The following DCAF5 variants were observed in gnomAD, a reference collection of about 807,000 sequenced individuals.
DCAF5 encodes DDB1 and CUL4 associated factor 5, also known as DDB1- and CUL4-associated factor 5.
Under a neutral mutation model 80.7 loss-of-function variants are expected in DCAF5, and 9 were observed. The ratio of observed to expected loss-of-function variants is 0.11; its 90% CI spans 0.07 to 0.19. DCAF5 has a LOEUF of 0.19. DCAF5 is among the 10% of genes least tolerant of loss of function. The pLI is 1.00. For synonymous variants in DCAF5, 433 were observed against 461.9 expected (o/e 0.94, Z 0.80); for missense variants, 842 against 1,205.7 (o/e 0.70, Z 4.47).
chr14:69,097,596 T>A lies in DCAF5; in HGVS notation c.666-5709A>T, dbSNP rs1285645646. ...TTATTATTATTATTTTTTTTTTTTT[T>A]TTTTTTTTGAGACAGGGTCTCACTT... On this transcript the variant is annotated intron_variant, in intron 5 of 8. Coordinates refer to ENST00000341516, the MANE Select transcript of DCAF5 (RefSeq NM_003861.3). Among the ~76,000 whole-genome samples the A allele has an allele frequency of 1.1e-4, 16 of 148,396 alleles. 1 individual carries two copies. Among genetic ancestry groups the A allele is most frequent in the African/African-American group, 3.7e-4 (15 of 40,722 alleles).
At chr14:69,087,628 CA>C (rs2039384564) in intron 6 of DCAF5, among the ~76,000 whole-genome samples, 1 of 151,876 alleles carries the variant, frequency 6.6e-6, no homozygotes, top group African/African-American at 2.4e-5. Flanking sequence ...TATTTGTAGC[CA>C]AAAGGGGGGA....
chr14:69,058,432 T>C (rs1189925754), intron 8 of DCAF5, among the ~76,000 whole-genome samples: 2 of 151,886 alleles, frequency 1.3e-5, no homozygotes, highest in Middle Eastern at 3.4e-3. Context: ...GGCAGGAGAA[T>C]TGCTTGAACC....
intron 5 of DCAF5, among the ~76,000 whole-genome samples, chr14:69,103,663 T>C (rs113507502): frequency 1.3e-5 from 2 of 152,244 alleles, no homozygotes; most frequent in Non-Finnish European, 2.9e-5. Context: ...CTATGGAAAC[T>C]CGCTTGTATA....
chr14:69,133,557 G>A (rs948307281), intron 1 of DCAF5, among the ~76,000 whole-genome samples: 1 of 152,082 alleles, frequency 6.6e-6, no homozygotes, highest in African/African-American at 2.4e-5. Context: ...GAAGAGGCGG[G>A]GGTACAGGCA....
rs537734116 is a variant in DCAF5, at chr14:69,127,514, G to A, written c.215-5154C>T. On this transcript the variant is annotated intron_variant, in intron 1 of 8. Coordinates refer to ENST00000341516, the MANE Select transcript of DCAF5 (RefSeq NM_003861.3). ...GGGGTTGAATATATGGAGCAGAGAA[G>A]ATTTTTAGGGCAGTAAAAATCCTCT... Among the ~76,000 whole-genome samples, 14 of 152,260 alleles carry A rather than the reference G, an allele frequency of 9.2e-5. No individual in the cohort carries two copies. The East Asian group carries it at 9.6e-4, about 10-fold the overall frequency.
At chr14:69,083,529 T>A in intron 6 of DCAF5, 1 of 360,390 alleles carries the variant, frequency 2.8e-6, no homozygotes, top group Non-Finnish European at 5.3e-6. Context: ...CAGATGTGTC[T>A]GAAGAAACAA....
At chr14:69,151,600 C>T (rs907330412) in intron 1 of DCAF5, among the ~76,000 whole-genome samples, 2 of 152,182 alleles carry the variant, frequency 1.3e-5, no homozygotes, top group African/African-American at 4.8e-5. Flanking sequence ...TCTTCACCCC[C>T]CCTCCCCTGA....
In DCAF5 at chr14:69,152,613, T is replaced by G; in HGVS notation, c.214+152A>C. On this transcript the variant is annotated intron_variant, in intron 1 of 8. Coordinates refer to ENST00000341516, the MANE Select transcript of DCAF5 (RefSeq NM_003861.3). The surrounding 1 kb of genome is among the most constrained non-coding windows in gnomAD (Gnocchi z 4.1). ...CTCCTTCCCCTCCCCCTGCAATGGT[T>G]TTAATTTGACACCAAACCTTCCCAC... is the stretch of plus-strand genomic sequence containing the variant. The G allele has an allele frequency of 1.6e-6, 1 of 619,452 alleles. No homozygotes were observed. The highest frequency in any genetic ancestry group is 2.8e-6 in the Non-Finnish European group (1 of 356,802). 38.4% of individuals were successfully genotyped at this position (619,452 alleles called of 1,614,324 possible).
chr14:69,091,996 C>T (rs968205215), intron 5 of DCAF5, 109 bp from the exon 6 acceptor site: 2 of 902,416 alleles, frequency 2.2e-6, no homozygotes, highest in African/African-American at 3.3e-5. Context: ...TGAATTTCAG[C>T]AAAAGGATAT....
At chr14:69,099,664 T>C (rs1448721032) in intron 5 of DCAF5, among the ~76,000 whole-genome samples, 3 of 152,156 alleles carry the variant, frequency 2.0e-5, no homozygotes, top group Non-Finnish European at 4.4e-5. Context: ...AGTTCCTGGC[T>C]GGGCATGGTG....
chr14:69,059,831 G>A (rs1380003201), intron 8 of DCAF5, among the ~76,000 whole-genome samples: 1 of 152,160 alleles, frequency 6.6e-6, no homozygotes, highest in Non-Finnish European at 1.5e-5. Flanking sequence ...TGTGCCTCCT[G>A]GTGGAAGAGG....
chr14:69,136,904 T>C (rs147509629), intron 1 of DCAF5, among the ~76,000 whole-genome samples: 1 of 152,316 alleles, frequency 6.6e-6, no homozygotes, highest in African/African-American at 2.4e-5. Flanking sequence ...AAAATATTAA[T>C]CTTAATATTA....
chr14:69,119,498 A>T (rs534673042), intron 2 of DCAF5, among the ~76,000 whole-genome samples: 2 of 152,158 alleles, frequency 1.3e-5, no homozygotes, highest in East Asian at 3.9e-4. Flanking sequence ...TGTAAAAAAA[A>T]AAAACAACTG....
chr14:69,052,475 C>T lies in DCAF5; in HGVS notation c.*1382G>A, dbSNP rs1038321216. 3.3e-5 allele frequency: 5 copies of T among 152,632 alleles called. No individual in the cohort carries two copies. The highest frequency in any genetic ancestry group is 1.2e-4 in the African/African-American group (5 of 41,430). The allele number at this position is 152,632 out of a possible 1,614,324, so 9.5% of individuals were successfully genotyped here. On this transcript the variant is annotated 3_prime_UTR_variant, in exon 9 of 9. Transcript: ENST00000341516. ...TCCTCATTTCTTGCCAGTATTCTGC[C>T]TTTTCATAACATTTATGCCAACAAG... is the stretch of plus-strand genomic sequence containing the variant.
intron 6 of DCAF5, chr14:69,083,816 A>G: frequency 2.8e-6 from 2 of 720,522 alleles, no homozygotes; most frequent in African/African-American, 3.5e-5. Flanking sequence ...AAGTCTCCTA[A>G]AGAAACAGAA....
chr14:69,115,654 A>G (rs910165020), intron 5 of DCAF5, among the ~76,000 whole-genome samples: 1 of 152,164 alleles, frequency 6.6e-6, no homozygotes, highest in African/African-American at 2.4e-5. Context: ...AACATAAAAG[A>G]GCCTGCTACT....
chr14:69,082,079 G>T (rs906960232), intron 6 of DCAF5, among the ~76,000 whole-genome samples: 7 of 152,300 alleles, frequency 4.6e-5, no homozygotes, highest in African/African-American at 1.7e-4. Context: ...GTCAGAAAGG[G>T]AAAAACAATG....
chr14:69,076,518 T>C (rs1219711656), intron 6 of DCAF5, among the ~76,000 whole-genome samples: 1 of 152,174 alleles, frequency 6.6e-6, no homozygotes, highest in African/African-American at 2.4e-5. Context: ...TTATACTAAA[T>C]GAAATAAGGC....
At position 69,085,070 on chromosome 14, in the gene DCAF5, G is replaced by C; in HGVS notation, c.879+6604C>G. 9.8e-6 allele frequency: 11 copies of C among 1,126,620 alleles called. No individual in the cohort carries two copies. The South Asian group carries it at 1.4e-4, about 14-fold the overall frequency. The allele number at this position is 1,126,620 out of a possible 1,614,324, so 69.8% of individuals were successfully genotyped here. A position where few individuals can be genotyped will look rare whatever the true frequency, so the allele number is the denominator to read the frequency against. On this transcript the variant is annotated intron_variant, in intron 6 of 8. Transcript: ENST00000341516. ...CTAAAATTTCTGACATTCAGTCTCA[G>C]CTTGAGAAATTGATTCAAAAGAACT... is the stretch of plus-strand genomic sequence containing the variant.
Sources: allele counts gnomAD v4.1 joint callset (sites outside exome capture counted in the v4.1 genomes callset), GRCh38; gene constraint gnomAD v4.1.1; non-coding constraint Gnocchi (gnomAD v3.1); transcripts MANE v1.5; gene names NCBI Gene and HGNC (gene_info 2026-07-23, HGNC 2026-07-21).